NPC2: variants seen among roughly 807,000 people sequenced by gnomAD.
NPC2 encodes the protein Niemann-Pick disease type C2 protein.
A neutral mutation model predicts 17.0 loss-of-function variants in NPC2; 14 were observed. The observed-to-expected ratio is 0.82, with a 90% confidence interval of 0.54 to 1.29. NPC2 has a LOEUF of 1.29. Among genes scored for constraint, NPC2 ranks in the 50% most tolerant of loss-of-function variants. NPC2 has a pLI of 0.00. For synonymous variants in NPC2, 75 were observed against 69.3 expected (o/e 1.08, Z -0.41); for missense variants, 167 against 183.4 (o/e 0.91, Z 0.52).
At chr14:74,482,995 G>C in intron 3 of NPC2, 2 of 790,148 alleles carry the variant, frequency 2.5e-6, no homozygotes, top group South Asian at 2.7e-5. Flanking sequence ...AGTGGTCCTT[G>C]GTTCAGGAGG....
At chr14:74,483,618 C>T (rs948661424) in intron 3 of NPC2, among the ~76,000 whole-genome samples, 3 of 152,138 alleles carry the variant, frequency 2.0e-5, no homozygotes, top group Non-Finnish European at 4.4e-5. Flanking sequence ...AGAGGCTTCT[C>T]CTGTTTTATA....
chr14:74,486,704 A>C (rs909029082), intron 1 of NPC2, among the ~76,000 whole-genome samples: 15 of 152,242 alleles, frequency 9.9e-5, no homozygotes, highest in African/African-American at 3.6e-4. Context: ...TATTTGTCAA[A>C]CTAAATAATA....
intron 1 of NPC2, among the ~76,000 whole-genome samples, chr14:74,488,777 CTA>C (rs2086740248): frequency 6.6e-6 from 1 of 152,156 alleles, no homozygotes; most frequent in Middle Eastern, 3.4e-3. Flanking sequence ...AGTAAGCAGA[CTA>C]TGGAATTTAA....
In NPC2 at chr14:74,492,369, G is replaced by A. The variant is rs111774906; in HGVS notation, c.82+824C>T. Among the ~76,000 whole-genome samples the A allele has an allele frequency of 2.6e-3, 403 of 152,312 alleles. 1 individual carries two copies. The highest frequency in any genetic ancestry group is 8.9e-3 in the African/African-American group (372 of 41,580). ...TTACTCTGGCTCCCCATTCTGCTGC[G>A]TGACTTTAGGTAGGCTACCCAACAT... is the stretch of plus-strand genomic sequence containing the variant. On this transcript the variant is annotated intron_variant, in intron 1 of 4. Coordinates refer to ENST00000555619, the MANE Select transcript of NPC2 (RefSeq NM_006432.5).
chr14:74,491,409 C>G (rs775592530), intron 1 of NPC2, among the ~76,000 whole-genome samples: 4 of 152,094 alleles, frequency 2.6e-5, no homozygotes, highest in African/African-American at 7.2e-5. Context: ...TTCATCCAAA[C>G]GCTGGCTACT....
intron 3 of NPC2, among the ~76,000 whole-genome samples, chr14:74,482,174 A>T (rs183521946): frequency 2.2e-3 from 335 of 152,318 alleles, no homozygotes; most frequent in Admixed American, 3.7e-3. Flanking sequence ...TCATCTACTA[A>T]TCTGTCCCTG....
chr14:74,484,772 A>AC (rs2086692118), intron 2 of NPC2, among the ~76,000 whole-genome samples, 185 bp from the exon 3 acceptor site: 2 of 150,896 alleles, frequency 1.3e-5, no homozygotes, highest in Admixed American at 1.3e-4. Flanking sequence ...AAAAAAAAAA[A>AC]AAAAAACAAT....
Position 74,479,952 on chromosome 14 carries a change from G to C in NPC2, c.*322C>G. ...ACCACAGCCCACATGCAGAAGACAA[G>C]ACAAACGAGTTTTTATTTATTCAAG... On this transcript the variant is annotated 3_prime_UTR_variant, in exon 5 of 5. Transcript: ENST00000555619. 1.5e-6 allele frequency: 2 copies of C among 1,291,692 alleles called. No homozygotes were observed. Among genetic ancestry groups the C allele is most frequent in the Non-Finnish European group, 9.9e-7 (1 of 1,010,132 alleles). 80.0% of individuals were successfully genotyped at this position (1,291,692 alleles called of 1,614,324 possible). A position where few individuals can be genotyped will look rare whatever the true frequency, so the allele number is the denominator to read the frequency against.
Position 74,493,212 on chromosome 14 carries a change from C to G in NPC2, c.63G>C (p.Pro21=). 1 of 1,611,944 alleles carries G rather than the reference C, an allele frequency of 6.2e-7. No homozygotes were observed. Among genetic ancestry groups the G allele is most frequent in the South Asian group, 1.1e-5 (1 of 90,522 alleles). ...LALSTAAQAE[P]VQFKDCGSVD... is the part of the protein sequence containing the mutation. ...GCTCACCGCAGTCCTTGAACTGCAC[C>G]GGTTCGGCCTGGGCAGCGGTGCTGA... is the stretch of plus-strand genomic sequence containing the variant. Residue 21 remains proline (P), a synonymous_variant, in exon 1 of 5, where the codon CCG becomes CCC. Coordinates refer to ENST00000555619, the MANE Select transcript of NPC2 (RefSeq NM_006432.5). The surrounding 1 kb of genome is among the most constrained non-coding windows in gnomAD (Gnocchi z 4.1).
At position 74,493,106 on chromosome 14, in the gene NPC2, C is replaced by T; in HGVS notation, c.82+87G>A. On this transcript the variant is annotated intron_variant, in intron 1 of 4. Coordinates refer to ENST00000555619, the MANE Select transcript of NPC2 (RefSeq NM_006432.5). This position sits in a 1 kb window ranked among gnomAD's most constrained non-coding sequence, Gnocchi z 4.1. ...CAGCCTGGCCGCCCGAGGGATCCGC[C>T]CAGCCCAGCCCCAGGGGTCTCAGCG... 6.6e-7 allele frequency: 1 copy of T among 1,508,924 alleles called. No individual in the cohort carries two copies. The highest frequency in any genetic ancestry group is 9.0e-7 in the Non-Finnish European group (1 of 1,113,460). The allele number at this position is 1,508,924 out of a possible 1,614,324, so 93.5% of individuals were successfully genotyped here. A position where few individuals can be genotyped will look rare whatever the true frequency, so the allele number is the denominator to read the frequency against.
intron 1 of NPC2, among the ~76,000 whole-genome samples, chr14:74,486,952 C>A (rs1032862390): frequency 1.9e-4 from 29 of 151,884 alleles, no homozygotes; most frequent in African/African-American, 7.0e-4. Flanking sequence ...ACAGGAACAA[C>A]TACATTTTTT....
chr14:74,493,212 C>T lies in NPC2; in HGVS notation c.63G>A (p.Pro21=), dbSNP rs1299194959. The part of the protein sequence containing the change: ...LALSTAAQAE[P]VQFKDCGSVD... ...GCTCACCGCAGTCCTTGAACTGCAC[C>T]GGTTCGGCCTGGGCAGCGGTGCTGA... The change falls in exon 1 of 5, where the codon CCG becomes CCA. Residue 21 remains proline, a synonymous_variant. Transcript: ENST00000555619. The surrounding 1 kb of genome is among the most constrained non-coding windows in gnomAD (Gnocchi z 4.1). 1.2e-6 allele frequency: 2 copies of T among 1,611,826 alleles called. No individual in the cohort carries two copies. Among genetic ancestry groups the T allele is most frequent in the African/African-American group, 2.7e-5 (2 of 74,902 alleles).
intron 1 of NPC2, among the ~76,000 whole-genome samples, chr14:74,488,715 A>AAACAT (rs2086739622): frequency 6.6e-6 from 1 of 152,058 alleles, no homozygotes; most frequent in Admixed American, 6.5e-5. Context: ...CTCTGTCTCA[A>AAACAT]AAAATAAAAT....
rs2086792709 is a variant in NPC2 at position 74,493,066 on chromosome 14, G to A, written c.82+127C>T. On this transcript the variant is annotated intron_variant, in intron 1 of 4. Coordinates refer to ENST00000555619, the MANE Select transcript of NPC2 (RefSeq NM_006432.5). The surrounding 1 kb of genome is among the most constrained non-coding windows in gnomAD (Gnocchi z 4.1). ...CCCCGACCCAGCCCATTCCAGTTAG[G>A]TAGGGTCCAAGGCTCAGCCTGGCCG... 8.3e-7 allele frequency: 1 copy of A among 1,203,126 alleles called. No individual in the cohort carries two copies. The highest frequency in any genetic ancestry group is 1.2e-6 in the Non-Finnish European group (1 of 859,736). The allele number at this position is 1,203,126 out of a possible 1,614,324, so 74.5% of individuals were successfully genotyped here.
intron 1 of NPC2, among the ~76,000 whole-genome samples, chr14:74,488,080 T>C (rs150804956): frequency 3.9e-5 from 6 of 152,210 alleles, no homozygotes; most frequent in African/African-American, 1.4e-4. Context: ...GAAATTTGCA[T>C]CTGAGAACTA....
At chr14:74,484,714 G>T in intron 2 of NPC2, 127 bp from the exon 3 acceptor site, 2 of 525,730 alleles carry the variant, frequency 3.8e-6, no homozygotes, top group Non-Finnish European at 6.5e-6. Context: ...GTGGTGCTTG[G>T]TACTAGCACA....
intron 1 of NPC2, among the ~76,000 whole-genome samples, chr14:74,491,179 TCTC>T (rs1331349663): frequency 4.6e-5 from 7 of 152,164 alleles, no homozygotes; most frequent in Admixed American, 2.0e-4. Context: ...TTCAAGCGAT[TCTC>T]CTGCCTCAGC....
chr14:74,480,692 A>G lies in NPC2; in HGVS notation c.441+10T>C. ...TCCACCCATGCCCTCTCACCCCCAG[A>G]TAGACTTACGATCTGTACTGGGATT... On this transcript the variant is annotated intron_variant, in intron 4 of 4. Coordinates refer to ENST00000555619, the MANE Select transcript of NPC2 (RefSeq NM_006432.5). The G allele has an allele frequency of 6.2e-7, 1 of 1,611,308 alleles. No homozygotes were observed. The highest frequency in any genetic ancestry group is 1.1e-5 in the South Asian group (1 of 91,022).
chr14:74,479,944 G>C lies in NPC2; in HGVS notation c.*330C>G. On this transcript the variant is annotated 3_prime_UTR_variant, in exon 5 of 5. Transcript: ENST00000555619. ...AGGAGAAGACCACAGCCCACATGCA[G>C]AAGACAAGACAAACGAGTTTTTATT... The C allele has an allele frequency of 7.9e-7, 1 of 1,270,500 alleles. No individual in the cohort carries two copies. The highest frequency in any genetic ancestry group is 1.0e-6 in the Non-Finnish European group (1 of 996,130). 78.7% of individuals were successfully genotyped at this position (1,270,500 alleles called of 1,614,324 possible).
Sources: gnomAD v4.1 joint callset for allele counts (sites outside exome capture counted in the v4.1 genomes callset) on GRCh38, gnomAD v4.1.1 for gene constraint, Gnocchi (gnomAD v3.1) non-coding constraint, MANE v1.5 for transcripts, NCBI Gene and HGNC (gene_info 2026-07-23, HGNC 2026-07-21) for gene names.